The following TENM2 variants were observed in gnomAD, a reference collection of about 807,000 sequenced individuals.
The protein encoded by TENM2 is teneurin-2.
Under a neutral mutation model 245.2 loss-of-function variants are expected in TENM2, and 52 were observed. The ratio of observed to expected loss-of-function variants is 0.21; its 90% CI spans 0.17 to 0.27. TENM2 has a LOEUF of 0.27. TENM2 is among the 10% of genes least tolerant of loss of function. The probability of loss-of-function intolerance (pLI) is 1.00; values close to 1 mark genes in which losing one functional copy is unlikely to be tolerated. For missense variants in TENM2, 3,046 were observed against 3,666.8 expected (o/e 0.83, Z 4.37); for synonymous variants, 1,363 against 1,438.9 (o/e 0.95, Z 1.19).
intron 13 of TENM2, among the ~76,000 whole-genome samples, chr5:168,168,114 AG>A (rs1758468746): frequency 6.6e-6 from 1 of 152,148 alleles, no homozygotes; most frequent in African/African-American, 2.4e-5. Context: ...CAGATTTCTA[AG>A]CCCCCACCTT....
chr5:167,597,395 G>T (rs1776299040), intron 2 of TENM2, among the ~76,000 whole-genome samples: 1 of 151,882 alleles, frequency 6.6e-6, no homozygotes, highest in Admixed American at 6.6e-5. Context: ...TCAAACTCTG[G>T]ACCTCAGGCA....
intron 4 of TENM2, chr5:167,965,704 C>T (rs927291703): frequency 2.0e-5 from 3 of 152,200 alleles, no homozygotes; most frequent in Non-Finnish European, 4.4e-5. Flanking sequence ...GCTTTACCTA[C>T]AGGATCCCAT....
chr5:168,144,574 CTAT>C (rs1376643091), intron 12 of TENM2, among the ~76,000 whole-genome samples: 25 of 151,486 alleles, frequency 1.7e-4, no homozygotes, highest in African/African-American at 6.1e-4. Flanking sequence ...TTAATCCAGT[CTAT>C]CATTGTTGGA....
At chr5:167,732,910 A>G (rs1257716171) in intron 2 of TENM2, among the ~76,000 whole-genome samples, 1 of 152,224 alleles carries the variant, frequency 6.6e-6, no homozygotes, top group Non-Finnish European at 1.5e-5. Context: ...TACATTAACC[A>G]TGCCATGTGT....
intron 2 of TENM2, among the ~76,000 whole-genome samples, chr5:167,633,296 T>C (rs2127798564): frequency 6.6e-6 from 1 of 152,268 alleles, no homozygotes; most frequent in Non-Finnish European, 1.5e-5. Context: ...TTTACATTCC[T>C]TTCAGGTTGA....
intron 4 of TENM2, among the ~76,000 whole-genome samples, chr5:167,980,569 G>T (rs1479169747): frequency 6.6e-6 from 1 of 152,144 alleles, no homozygotes; most frequent in East Asian, 1.9e-4. Flanking sequence ...AGGAAGAGAT[G>T]ACCTCGACCA....
At chr5:168,175,300 C>G (rs1239206964) in intron 13 of TENM2, among the ~76,000 whole-genome samples, 3 of 152,178 alleles carry the variant, frequency 2.0e-5, no homozygotes. Context: ...ACATACACTG[C>G]CTTCCAATCA....
chr5:167,960,570 G>C (rs868582147), intron 4 of TENM2, among the ~76,000 whole-genome samples: 1 of 151,624 alleles, frequency 6.6e-6, no homozygotes, highest in Middle Eastern at 3.4e-3. Flanking sequence ...AGCATCCCAG[G>C]TCAACTTCAG....
At chr5:167,034,334 A>C in the TENM2 span, among the ~76,000 whole-genome samples, 2 of 151,282 alleles carry the variant, frequency 1.3e-5, no homozygotes, top group African/African-American at 4.9e-5. Flanking sequence ...ATAGGTGTAC[A>C]TGTGAAATTA....
At chr5:167,950,708 C>T (rs558709450) in intron 3 of TENM2, among the ~76,000 whole-genome samples, 4 of 152,212 alleles carry the variant, frequency 2.6e-5, no homozygotes, top group Admixed American at 2.0e-4. Context: ...TCATTTCACC[C>T]CCCTTTCCCA....
chr5:167,519,676 G>T, intron 2 of TENM2, among the ~76,000 whole-genome samples: 1 of 152,122 alleles, frequency 6.6e-6, no homozygotes. Context: ...ATTATAGTTC[G>T]CTAAGAGAAG....
chr5:167,637,986 A>AAT (rs1779314651), intron 2 of TENM2, among the ~76,000 whole-genome samples: 1 of 152,014 alleles, frequency 6.6e-6, no homozygotes, highest in Admixed American at 6.6e-5. Context: ...AAAAAAAAAA[A>AAT]ATATTAGAAT....
At chr5:167,121,253 A>G in the TENM2 span, among the ~76,000 whole-genome samples, 1 of 152,154 alleles carries the variant, frequency 6.6e-6, no homozygotes, top group Non-Finnish European at 1.5e-5. Flanking sequence ...ATCATATCCA[A>G]TGGCAGCTGA....
At position 168,201,780 on chromosome 5, in the gene TENM2, T is replaced by TTC. The variant is rs1270397084; in HGVS notation, c.3430+1661_3430+1662dup. Among the ~76,000 whole-genome samples, 4 of 152,148 alleles carry TTC rather than the reference T, an allele frequency of 2.6e-5. No homozygotes were observed. In the East Asian group the frequency reaches 7.7e-4, roughly 29 times the overall value. ...AAAGTTCTTTCATCTTTCCTTATCTTTCTCTCTCTCTCTAACCTTTATAAT... is the reference window on the plus strand; with the variant it reads ...AAAGTTCTTTCATCTTTCCTTATCTTTCTCTCTCTCTCTCTAACCTTTATAAT... On this transcript the variant is annotated intron_variant, in intron 17 of 28. Transcript: ENST00000518659.
intron 9 of TENM2, among the ~76,000 whole-genome samples, chr5:168,100,232 A>G (rs891364327): frequency 1.3e-5 from 2 of 152,156 alleles, no homozygotes; most frequent in Non-Finnish European, 2.9e-5. Flanking sequence ...GTCAGGAAAC[A>G]ACAGATGCTG....
chr5:167,333,416 C>A (rs1260233670), intron 1 of TENM2, among the ~76,000 whole-genome samples: 1 of 152,074 alleles, frequency 6.6e-6, no homozygotes, highest in South Asian at 2.1e-4. Context: ...TAAAGCAAGG[C>A]CTAGTATATA....
chr5:168,127,071 G>A (rs1795905309), intron 12 of TENM2, 105 bp downstream of exon 14: 1 of 986,724 alleles, frequency 1.0e-6, no homozygotes, highest in Non-Finnish European at 1.5e-6. Flanking sequence ...ATTTCCTGCT[G>A]CCCCTCCAAA....
chr5:167,545,708 A>G (rs1175442436), intron 2 of TENM2, among the ~76,000 whole-genome samples: 1 of 152,198 alleles, frequency 6.6e-6, no homozygotes, highest in Non-Finnish European at 1.5e-5. Flanking sequence ...AAGTTTGTGA[A>G]CTTTTACAAA....
chr5:167,140,175 T>A, the TENM2 span, among the ~76,000 whole-genome samples: 1 of 152,184 alleles, frequency 6.6e-6, no homozygotes, highest in Non-Finnish European at 1.5e-5. Context: ...TTTATTTGGA[T>A]ACATAGTAGG....
Sources: gnomAD v4.1 joint callset for allele counts (sites outside exome capture counted in the v4.1 genomes callset) on GRCh38, gnomAD v4.1.1 for gene constraint, MANE v1.5 for transcripts, NCBI Gene and HGNC (gene_info 2026-07-23, HGNC 2026-07-21) for gene names.